Variants in NHS observed in about 807,000 individuals in gnomAD.
NHS encodes the protein actin remodeling regulator NHS.
NHS carries 5 observed loss-of-function variants against 72.5 expected under a neutral mutation model. The ratio of observed to expected loss-of-function variants is 0.07; its 90% CI spans 0.04 to 0.14. The LOEUF is 0.14. NHS is among the 10% of genes least tolerant of loss of function. NHS has a pLI of 1.00. For synonymous variants in NHS, 464 were observed against 547.7 expected (o/e 0.85, Z 2.13); for missense variants, 1,072 against 1,355.7 (o/e 0.79, Z 3.29).
At chrX:17,529,029 C>G (rs1447562990) in intron 1 of NHS, among the ~76,000 whole-genome samples, 2 of 110,808 alleles carry the variant, frequency 1.8e-5, no homozygotes, top group African/African-American at 3.3e-5. Context: ...TTCCCTTCTT[C>G]CCTTCCTTCT....
intron 7 of NHS, 110 bp downstream of exon 7, chrX:17,728,438 C>T (rs1210537350): frequency 1.5e-5 from 13 of 890,937 alleles, no homozygotes; most frequent in Non-Finnish European, 1.9e-5. Context: ...GGTTTCCCTC[C>T]ACTATTTCTT....
chrX:17,625,795 A>T (rs1184172979), intron 1 of NHS, among the ~76,000 whole-genome samples: 1 of 112,226 alleles, frequency 8.9e-6, no homozygotes, highest in African/African-American at 3.2e-5. Context: ...AACATAAAGT[A>T]TAATCATAAA....
chrX:17,682,748 A>C (rs1186802541), intron 1 of NHS, among the ~76,000 whole-genome samples: 2 of 111,028 alleles, frequency 1.8e-5, no homozygotes, highest in African/African-American at 6.6e-5. Context: ...AAGGGAGGCC[A>C]AGAATAAGCA....
intron 1 of NHS, among the ~76,000 whole-genome samples, chrX:17,543,023 C>G (rs2065272009): frequency 8.9e-6 from 1 of 111,870 alleles, no homozygotes; most frequent in African/African-American, 3.3e-5. Flanking sequence ...GTTTTATCCT[C>G]TGGGGGAGGT....
At chrX:17,481,346 TCTC>T (rs1056945606) in intron 1 of NHS, among the ~76,000 whole-genome samples, 6 of 112,047 alleles carry the variant, frequency 5.4e-5, no homozygotes, top group African/African-American at 1.3e-4. Context: ...CTTTTTTTCT[TCTC>T]CTCTTGACTC....
intron 6 of NHS, 61 bp from the exon 7 acceptor site, chrX:17,725,286 C>T (rs2066433604): frequency 5.6e-6 from 6 of 1,077,846 alleles, no homozygotes; most frequent in African/African-American, 1.8e-5. Flanking sequence ...AGACATAGCT[C>T]AGAATGTCTG....
chrX:17,606,984 C>T (rs905858325), intron 1 of NHS, among the ~76,000 whole-genome samples: 2 of 112,300 alleles, frequency 1.8e-5, no homozygotes, highest in African/African-American at 6.5e-5. Flanking sequence ...AAACGTGAGG[C>T]ACATGGGGCA....
intron 1 of NHS, among the ~76,000 whole-genome samples, chrX:17,658,334 T>A (rs903840868): frequency 1.8e-5 from 2 of 112,396 alleles, no homozygotes; most frequent in African/African-American, 6.5e-5. Flanking sequence ...TAAATGCCTA[T>A]TTTTTTCTCC....
chrX:17,459,217 C>T (rs769686200), intron 1 of NHS, among the ~76,000 whole-genome samples: 2 of 112,380 alleles, frequency 1.8e-5, no homozygotes, highest in Non-Finnish European at 3.8e-5. Context: ...GCCAAGTCTG[C>T]GGAGACTGTG....
chrX:17,723,726 G>GGGGTGTGT (rs577139213), intron 5 of NHS, among the ~76,000 whole-genome samples: 1 of 71,075 alleles, frequency 1.4e-5, no homozygotes, highest in Admixed American at 1.7e-4. Context: ...CAGCAAAAGA[G>GGGGTGTGT]GTGTGTGTGT....
chrX:17,507,631 A>G (rs1484001439), intron 1 of NHS, among the ~76,000 whole-genome samples: 2 of 112,202 alleles, frequency 1.8e-5, no homozygotes, highest in Admixed American at 9.4e-5. Context: ...GGGGATTTTT[A>G]GTAAAGACCT....
At chrX:17,538,658 A>G (rs1293688628) in intron 1 of NHS, among the ~76,000 whole-genome samples, 1 of 111,713 alleles carries the variant, frequency 9.0e-6, no homozygotes, top group Non-Finnish European at 1.9e-5. Flanking sequence ...AGCCATGAAC[A>G]CGTGCAAAGT....
intron 2 of NHS, 152 bp from the exon 3 acceptor site, chrX:17,692,183 T>C (rs2066199847): frequency 1.5e-6 from 1 of 683,032 alleles, no homozygotes; most frequent in Admixed American, 3.0e-5. Flanking sequence ...TTAAAAACCA[T>C]TCTGAAAATC....
At chrX:17,415,513 G>GTT (rs1213626409) in intron 1 of NHS, among the ~76,000 whole-genome samples, 1 of 111,295 alleles carries the variant, frequency 9.0e-6, no homozygotes, top group East Asian at 2.8e-4. Flanking sequence ...GCTCGGCAGG[G>GTT]GGGACTTCCT....
chrX:17,422,057 G>A (rs1190284334), intron 1 of NHS, among the ~76,000 whole-genome samples: 1 of 111,370 alleles, frequency 9.0e-6, no homozygotes, highest in Admixed American at 9.5e-5. Flanking sequence ...GTTCCTTCAT[G>A]CACCTTTTTC....
At chrX:17,607,732 G>A (rs1018552314) in intron 1 of NHS, among the ~76,000 whole-genome samples, 1 of 110,605 alleles carries the variant, frequency 9.0e-6, no homozygotes, top group African/African-American at 3.3e-5. Flanking sequence ...TAGTGTGACT[G>A]AGGAACCAAA....
intron 3 of NHS, among the ~76,000 whole-genome samples, chrX:17,709,688 T>C (rs1319703734): frequency 7.2e-5 from 8 of 111,422 alleles, no homozygotes; most frequent in African/African-American, 2.6e-4. Flanking sequence ...GTTGGAGTTA[T>C]TGGAGCAGCC....
intron 1 of NHS, among the ~76,000 whole-genome samples, chrX:17,677,061 G>T (rs1279326420): frequency 2.7e-5 from 3 of 111,547 alleles, no homozygotes; most frequent in Non-Finnish European, 3.8e-5. Flanking sequence ...ACAGCATCAA[G>T]ATTTCTGGCA....
intron 1 of NHS, among the ~76,000 whole-genome samples, chrX:17,417,305 T>C (rs1394223111): frequency 8.9e-6 from 1 of 112,188 alleles, no homozygotes; most frequent in African/African-American, 3.2e-5. Flanking sequence ...CCATAGACAA[T>C]ATGTAATTTA....
Sources: gnomAD v4.1 joint callset for allele counts (sites outside exome capture counted in the v4.1 genomes callset) on GRCh38, gnomAD v4.1.1 for gene constraint, MANE v1.5 for transcripts, NCBI Gene and HGNC (gene_info 2026-07-23, HGNC 2026-07-21) for gene names.